Variants in LRRC4C observed in about 807,000 individuals in gnomAD.
LRRC4C encodes leucine rich repeat containing 4C.
A neutral mutation model predicts 33.6 loss-of-function variants in LRRC4C; 5 were observed. The observed-to-expected ratio is 0.15, with a 90% CI of 0.08 to 0.31. The LOEUF is 0.31. LRRC4C is among the 10% of genes least tolerant of loss of function. The pLI, the probability that LRRC4C is intolerant of heterozygous loss-of-function variation, is 1.00. For synonymous variants in LRRC4C, 329 were observed against 302.0 expected (o/e 1.09, Z -0.93); for missense variants, 560 against 796.7 (o/e 0.70, Z 3.58).
chr11:40,670,015 AT>A (rs948510200), intron 2 of LRRC4C, among the ~76,000 whole-genome samples: 1 of 152,148 alleles, frequency 6.6e-6, no homozygotes, highest in African/African-American at 2.4e-5. Context: ...TTATAGCTTT[AT>A]TTTTTGCCAA....
At chr11:41,235,942 A>G (rs1948002691) in intron 1 of LRRC4C, among the ~76,000 whole-genome samples, 1 of 152,060 alleles carries the variant, frequency 6.6e-6, no homozygotes, top group African/African-American at 2.4e-5. Context: ...TGCTTTCCTA[A>G]TAGAATCTAG....
chr11:41,456,706 TG>T (rs1956181233), intron 1 of LRRC4C, among the ~76,000 whole-genome samples: 1 of 152,076 alleles, frequency 6.6e-6, no homozygotes, highest in Non-Finnish European at 1.5e-5. Context: ...CCTACTGAAA[TG>T]GAAAGCTCCC....
intron 1 of LRRC4C, among the ~76,000 whole-genome samples, chr11:41,318,557 A>G (rs1046430792): frequency 3.3e-5 from 5 of 152,228 alleles, no homozygotes; most frequent in African/African-American, 9.6e-5. Context: ...CTGCTCCACT[A>G]TCTACTTTTC....
At chr11:40,539,739 G>A (rs2135377261) in intron 3 of LRRC4C, among the ~76,000 whole-genome samples, 1 of 152,166 alleles carries the variant, frequency 6.6e-6, no homozygotes, top group South Asian at 2.1e-4. Context: ...TGACACATAT[G>A]TAAACAAATA....
chr11:40,722,366 A>C (rs1947062231), intron 2 of LRRC4C, among the ~76,000 whole-genome samples: 1 of 152,192 alleles, frequency 6.6e-6, no homozygotes, highest in South Asian at 2.1e-4. Context: ...CCTATTTGCC[A>C]GCCTTTACTC....
intron 3 of LRRC4C, among the ~76,000 whole-genome samples, chr11:40,434,729 G>T (rs190826716): frequency 6.6e-6 from 1 of 152,314 alleles, no homozygotes; most frequent in Non-Finnish European, 1.5e-5. Flanking sequence ...AGCCAGCAGT[G>T]TGGCACTTAA....
chr11:40,946,658 TC>T (rs1958416656), intron 1 of LRRC4C, among the ~76,000 whole-genome samples: 1 of 152,162 alleles, frequency 6.6e-6, no homozygotes, highest in African/African-American at 2.4e-5. Flanking sequence ...TGCAAGATTG[TC>T]CCTTATTGTG....
chr11:40,465,250 T>C (rs1194715939), intron 3 of LRRC4C, among the ~76,000 whole-genome samples: 2 of 152,020 alleles, frequency 1.3e-5, no homozygotes, highest in African/African-American at 4.8e-5. Flanking sequence ...GAAATTTGGA[T>C]AGCCATATCC....
At chr11:40,862,840 T>C (rs967076766) in intron 2 of LRRC4C, among the ~76,000 whole-genome samples, 8 of 152,188 alleles carry the variant, frequency 5.3e-5, no homozygotes, top group African/African-American at 1.9e-4. Flanking sequence ...TTTGAGCCAA[T>C]GTTCTCATCC....
intron 2 of LRRC4C, among the ~76,000 whole-genome samples, chr11:40,860,990 G>T: frequency 6.6e-6 from 1 of 151,646 alleles, no homozygotes; most frequent in African/African-American, 2.4e-5. Flanking sequence ...CATGTTATGT[G>T]TATTTCACCT....
intron 1 of LRRC4C, among the ~76,000 whole-genome samples, chr11:41,453,581 G>C (rs1427369019): frequency 6.6e-6 from 1 of 151,620 alleles, no homozygotes; most frequent in Non-Finnish European, 1.5e-5. Context: ...GAGTGAGTCA[G>C]AATTTGGGGC....
intron 3 of LRRC4C, among the ~76,000 whole-genome samples, chr11:40,591,885 C>A (rs1959075347): frequency 1.3e-5 from 2 of 152,166 alleles, no homozygotes; most frequent in African/African-American, 4.8e-5. Flanking sequence ...TAGGCTAGAC[C>A]AAATAAGGCG....
At chr11:40,941,675 GTTTTA>G (rs1314783080) in intron 1 of LRRC4C, among the ~76,000 whole-genome samples, 1 of 152,038 alleles carries the variant, frequency 6.6e-6, no homozygotes, top group African/African-American at 2.4e-5. Flanking sequence ...AGTTTTGATT[GTTTTA>G]ACCTAAACAA....
At chr11:40,478,916 T>C (rs1272317035) in intron 3 of LRRC4C, among the ~76,000 whole-genome samples, 1 of 152,192 alleles carries the variant, frequency 6.6e-6, no homozygotes, top group East Asian at 1.9e-4. Context: ...ATTCTGCTAA[T>C]GTTGGTTAAA....
intron 2 of LRRC4C, among the ~76,000 whole-genome samples, chr11:40,911,102 T>C (rs1463717194): frequency 6.6e-6 from 1 of 152,194 alleles, no homozygotes; most frequent in Non-Finnish European, 1.5e-5. Flanking sequence ...CCTGCCTCTG[T>C]AGACTCCACC....
intron 3 of LRRC4C, among the ~76,000 whole-genome samples, chr11:40,361,666 C>A (rs1244306525): frequency 6.6e-6 from 1 of 152,142 alleles, no homozygotes; most frequent in Non-Finnish European, 1.5e-5. Context: ...GTTAAAATGG[C>A]CATACTGCCC....
At chr11:40,786,337 T>C (rs56342642) in intron 2 of LRRC4C, among the ~76,000 whole-genome samples, 7,096 of 152,236 alleles carry the variant, frequency 0.047, 562 homozygotes, top group African/African-American at 0.16. Context: ...ATGCTTGAGA[T>C]ATGCTTGTGC....
chr11:41,400,005 TGAA>T lies in LRRC4C; in HGVS notation c.-496+59423_-496+59425del, dbSNP rs533666662. 5.9e-3 allele frequency among the ~76,000 whole-genome samples: 892 copies of T among 152,092 alleles called. 7 individuals carry two copies. The highest frequency in any genetic ancestry group is 0.021 in the African/African-American group (861 of 41,554). Reference sequence around the variant, plus strand: ...AAAATTCTGAAGGCAACAGAGCCAGTGAAGAAGAACTCAGTGCTTGTTACACAG... The same window carrying T: ...AAAATTCTGAAGGCAACAGAGCCAGTGAAGAACTCAGTGCTTGTTACACAG... On this transcript the variant is annotated intron_variant, in intron 1 of 6. Transcript: ENST00000528697.
rs570657901 is a variant in LRRC4C, at chr11:40,900,111, T to G, written c.-407+33524A>C. 2.1e-4 allele frequency among the ~76,000 whole-genome samples: 32 copies of G among 152,258 alleles called. No individual in the cohort carries two copies. The East Asian group carries it at 5.8e-3, about 28-fold the overall frequency. On this transcript the variant is annotated intron_variant, in intron 2 of 6. Coordinates refer to ENST00000528697, the MANE Select transcript of LRRC4C (RefSeq NM_001258419.2). The stretch of plus-strand genomic sequence containing the variant: ...TATATGAAGTACCAGTTGGCATTCT[T>G]ATACTAATTAGAGCTTTCCCTTCTT...
Sources: allele counts gnomAD v4.1 joint callset (sites outside exome capture counted in the v4.1 genomes callset), GRCh38; gene constraint gnomAD v4.1.1; transcripts MANE v1.5; gene names NCBI Gene and HGNC (gene_info 2026-07-23, HGNC 2026-07-21).